NTRK3: variants seen among roughly 807,000 people sequenced by gnomAD.
The protein encoded by NTRK3 is neurotrophic receptor tyrosine kinase 3.
NTRK3 carries 24 observed loss-of-function variants against 91.7 expected under a neutral mutation model. That is an observed-to-expected ratio of 0.26 (90% CI 0.19 to 0.37). NTRK3 has a LOEUF of 0.37. NTRK3 is among the 10% of genes least tolerant of loss of function. The pLI is 1.00. For synonymous variants in NTRK3, 483 were observed against 404.0 expected (o/e 1.20, Z -2.34); for missense variants, 880 against 1,068.9 (o/e 0.82, Z 2.46).
intron 14 of NTRK3, among the ~76,000 whole-genome samples, chr15:87,952,589 C>T (rs1245038132): frequency 6.6e-6 from 1 of 152,214 alleles, no homozygotes; most frequent in Non-Finnish European, 1.5e-5. Context: ...CCCTTGGTGA[C>T]ACAAAGTTAT....
intron 11 of NTRK3, among the ~76,000 whole-genome samples, chr15:88,127,702 A>C (rs1350015040): frequency 6.6e-6 from 1 of 151,276 alleles, no homozygotes; most frequent in Admixed American, 6.6e-5. Flanking sequence ...TTCCTTCTTT[A>C]CTCCTCAGTG....
intron 3 of NTRK3, among the ~76,000 whole-genome samples, chr15:88,188,290 CT>C (rs572618546): frequency 1.1e-3 from 161 of 152,330 alleles, no homozygotes; most frequent in African/African-American, 3.7e-3. Flanking sequence ...ATTACCTCCA[CT>C]TTAGTCTCAT....
At chr15:88,041,273 G>A (rs1387854097) in intron 13 of NTRK3, among the ~76,000 whole-genome samples, 4 of 152,158 alleles carry the variant, frequency 2.6e-5, no homozygotes, top group South Asian at 4.1e-4. Flanking sequence ...CTCCAGAATC[G>A]ATTCCTGTAC....
chr15:87,889,396 CTTTTTT>C (rs568030482), intron 17 of NTRK3, among the ~76,000 whole-genome samples: 32 of 95,630 alleles, frequency 3.3e-4, no homozygotes, highest in African/African-American at 9.3e-4. Flanking sequence ...TTATTAGTTC[CTTTTTT>C]TTTTTTTTTT....
chr15:87,952,918 G>A (rs2071283960), intron 14 of NTRK3, among the ~76,000 whole-genome samples: 2 of 151,738 alleles, frequency 1.3e-5, no homozygotes. Context: ...GAACAAGGTC[G>A]GAGGCCAGGG....
exon 19 of NTRK3, chr15:87,873,633 A>C (rs1228498676): frequency 8.6e-6 from 2 of 232,028 alleles, no homozygotes; most frequent in East Asian, 1.2e-4. Flanking sequence ...AATGAGGGTG[A>C]AATGAACTGG....
At chr15:88,073,987 A>G (rs2047321463) in intron 13 of NTRK3, among the ~76,000 whole-genome samples, 1 of 152,238 alleles carries the variant, frequency 6.6e-6, no homozygotes, top group African/African-American at 2.4e-5. Context: ...GTAACTCACC[A>G]AATGGAAACT....
intron 13 of NTRK3, among the ~76,000 whole-genome samples, chr15:88,044,577 C>G (rs1405968692): frequency 5.0e-4 from 72 of 145,272 alleles, no homozygotes; most frequent in Admixed American, 2.1e-3. Context: ...ACCCGCCCCC[C>G]CACCCCACCA....
At chr15:88,221,494 T>C (rs2050230538) in intron 3 of NTRK3, among the ~76,000 whole-genome samples, 1 of 152,198 alleles carries the variant, frequency 6.6e-6, no homozygotes, top group Admixed American at 6.5e-5. Flanking sequence ...GCTTACTTTT[T>C]CAACAAGGAG....
rs564698317 is a variant in NTRK3, at chr15:88,180,206, G to T, written c.395+3212C>A. Among the ~76,000 whole-genome samples, 5 of 152,162 alleles carry T rather than the reference G, an allele frequency of 3.3e-5. No homozygotes were observed. In the East Asian group the frequency reaches 7.7e-4, roughly 24 times the overall value. On this transcript the variant is annotated intron_variant, in intron 5 of 18. Transcript: ENST00000394480. The stretch of plus-strand genomic sequence containing the variant: ...ATTATTATGCCCACTTTTCAGATTG[G>T]CATACAGCTATTGCAATTATCAATC...
chr15:88,200,931 G>A (rs1255081161), intron 3 of NTRK3, among the ~76,000 whole-genome samples: 3 of 152,198 alleles, frequency 2.0e-5, no homozygotes, highest in African/African-American at 4.8e-5. Context: ...TGCTCAGCTA[G>A]GCTCTAACAA....
chr15:88,003,638 A>T (rs192939152), intron 14 of NTRK3, among the ~76,000 whole-genome samples: 3 of 152,280 alleles, frequency 2.0e-5, no homozygotes, highest in Admixed American at 6.5e-5. Flanking sequence ...ACTACAATGC[A>T]CTGCTCCGCT....
intron 11 of NTRK3, among the ~76,000 whole-genome samples, chr15:88,127,431 G>A (rs2053409296): frequency 6.6e-6 from 1 of 151,984 alleles, no homozygotes; most frequent in South Asian, 2.1e-4. Flanking sequence ...CCATCTGGCT[G>A]GTGTTACAGT....
intron 14 of NTRK3, among the ~76,000 whole-genome samples, chr15:87,985,968 C>G (rs2074738152): frequency 6.6e-6 from 1 of 152,058 alleles, no homozygotes; most frequent in African/African-American, 2.4e-5. Context: ...AATGTTAGTC[C>G]CCAGAGAAAG....
intron 14 of NTRK3, among the ~76,000 whole-genome samples, chr15:88,022,296 A>T (rs970452565): frequency 1.3e-5 from 2 of 152,140 alleles, no homozygotes; most frequent in Non-Finnish European, 2.9e-5. Flanking sequence ...CAAGTTCAAG[A>T]CAGGAGAAGC....
chr15:88,152,055 C>T (rs572594028), intron 5 of NTRK3, among the ~76,000 whole-genome samples: 10 of 152,296 alleles, frequency 6.6e-5, no homozygotes, highest in Non-Finnish European at 8.8e-5. Context: ...AATCCCAGCA[C>T]TTTGGGAGGC....
intron 17 of NTRK3, among the ~76,000 whole-genome samples, chr15:87,915,959 TGCTCTTGG>T (rs2067419866): frequency 6.6e-6 from 1 of 152,224 alleles, no homozygotes; most frequent in South Asian, 2.1e-4. Context: ...TCGGCCCATC[TGCTCTTGG>T]GCTATCAACT....
exon 19 of NTRK3, chr15:87,864,953 G>T (rs1251342180): frequency 4.6e-6 from 1 of 215,518 alleles, no homozygotes; most frequent in East Asian, 6.8e-5. Flanking sequence ...TCGAAAGCTG[G>T]GATGCTTTTT....
rs546437279 is a variant in NTRK3 at position 87,990,396 on chromosome 15, A to G, written c.1585+42461T>C. On this transcript the variant is annotated intron_variant, in intron 14 of 18. Coordinates refer to ENST00000394480, the Ensembl canonical transcript of NTRK3. ...ATTCCTGCCCTGACTTTTTGATTCTAGACTTGGAACCCAGCGTAACAATGA... is the reference window on the plus strand; with the variant it reads ...ATTCCTGCCCTGACTTTTTGATTCTGGACTTGGAACCCAGCGTAACAATGA... Among the ~76,000 whole-genome samples, 5 of 152,330 alleles carry G rather than the reference A, an allele frequency of 3.3e-5. No homozygotes were observed. The South Asian group carries it at 1.0e-3, about 32-fold the overall frequency.
Sources: allele counts gnomAD v4.1 joint callset (sites outside exome capture counted in the v4.1 genomes callset), GRCh38; gene constraint gnomAD v4.1.1; transcripts MANE v1.5; gene names NCBI Gene and HGNC (gene_info 2026-07-23, HGNC 2026-07-21).